UBFD1: variants seen among roughly 807,000 people sequenced by gnomAD.
The protein encoded by UBFD1 is ubiquitin family domain containing 1.
A neutral mutation model predicts 35.1 loss-of-function variants in UBFD1; 12 were observed. That is an observed-to-expected ratio of 0.34 (90% CI 0.22 to 0.55). UBFD1 has a LOEUF of 0.55. UBFD1 is among the 20% of genes least tolerant of loss of function. UBFD1 has a pLI of 0.89. For missense variants in UBFD1, 337 were observed against 410.8 expected (o/e 0.82, Z 1.55); for synonymous variants, 178 against 167.6 (o/e 1.06, Z -0.48).
intron 5 of UBFD1, chr16:23,565,569 A>G: frequency 6.6e-6 from 1 of 152,198 alleles, no homozygotes; most frequent in East Asian, 1.9e-4. Context: ...GCTGCTGCCC[A>G]GGTCCTGCTT....
In UBFD1 at chr16:23,572,470, C is replaced by G. The variant is rs974115091; in HGVS notation, c.*1880C>G. On this transcript the variant is annotated 3_prime_UTR_variant, in exon 7 of 7. Transcript: ENST00000395878. ...GTCAGACATTGCCCCTTTTGTTTGC[C>G]AATGCCCCAGTCCTAGAGACTTGTC... 2.0e-5 allele frequency: 3 copies of G among 152,642 alleles called. No individual in the cohort carries two copies. The highest frequency in any genetic ancestry group is 7.2e-5 in the African/African-American group (3 of 41,438). The allele number at this position is 152,642 out of a possible 1,614,324, so 9.5% of individuals were successfully genotyped here. A position where few individuals can be genotyped will look rare whatever the true frequency, so the allele number is the denominator to read the frequency against.
rs1966071010 is a variant in UBFD1, at chr16:23,570,665, G to A, written c.*75G>A. The A allele has an allele frequency of 2.5e-6, 3 of 1,205,960 alleles. No homozygotes were observed. Among genetic ancestry groups the A allele is most frequent in the African/African-American group, 1.5e-5 (1 of 66,002 alleles). The allele number at this position is 1,205,960 out of a possible 1,614,324, so 74.7% of individuals were successfully genotyped here. A position where few individuals can be genotyped will look rare whatever the true frequency, so the allele number is the denominator to read the frequency against. The stretch of plus-strand genomic sequence containing the variant: ...GCCGGGAGAGGCCTGCAGCATCCCT[G>A]GATTTCAGAGTTCTGGAACTTTGTT... On this transcript the variant is annotated 3_prime_UTR_variant, in exon 7 of 7. Transcript: ENST00000395878.
chr16:23,559,730 G>A (rs747829369), intron 3 of UBFD1, 54 bp downstream of exon 3: 3 of 1,609,346 alleles, frequency 1.9e-6, no homozygotes, highest in South Asian at 1.1e-5. Context: ...TTGTCCTCTT[G>A]AGCCGTGGCT....
chr16:23,563,006 A>C (rs1965959947), intron 5 of UBFD1, among the ~76,000 whole-genome samples: 1 of 152,238 alleles, frequency 6.6e-6, no homozygotes, highest in African/African-American at 2.4e-5. Context: ...CCAAGGGCCA[A>C]ATCTGGTCCA....
Position 23,558,245 on chromosome 16 carries a change from C to T in UBFD1, c.321C>T (p.Gly107=), listed in dbSNP as rs558925308. 1.6e-5 allele frequency: 26 copies of T among 1,608,710 alleles called. No individual in the cohort carries two copies. Among genetic ancestry groups the T allele is most frequent in the Non-Finnish European group, 2.1e-5 (25 of 1,177,722 alleles). ...HDVKFPLDST[G]SELKQKIHSI... Reference sequence around the variant, plus strand: ...TGAAGTTCCCCCTGGACAGCACAGGCTCCGAGCTGAAACAGAAGATCCACT... The same window carrying T: ...TGAAGTTCCCCCTGGACAGCACAGGTTCCGAGCTGAAACAGAAGATCCACT... Residue 107 remains glycine, a synonymous_variant, in exon 2 of 7, where the codon GGC becomes GGT. Transcript: ENST00000395878.
At chr16:23,559,956 G>C (rs559476822) in intron 3 of UBFD1, 3 of 1,316,834 alleles carry the variant, frequency 2.3e-6, no homozygotes, top group Non-Finnish European at 3.0e-6. Flanking sequence ...TCAGACGTGG[G>C]TTTCTCTCTC....
chr16:23,559,831 C>A, intron 3 of UBFD1, 155 bp downstream of exon 3: 1 of 1,540,052 alleles, frequency 6.5e-7, no homozygotes, highest in Non-Finnish European at 8.7e-7. Context: ...GTGGAGGTGA[C>A]AACTACCTGA....
chr16:23,558,798 T>G (rs1318559506), intron 2 of UBFD1, among the ~76,000 whole-genome samples: 2 of 144,750 alleles, frequency 1.4e-5, no homozygotes, highest in Non-Finnish European at 3.0e-5. Context: ...TTTTTTTTTT[T>G]GAGACGGAGT....
chr16:23,557,913 G>T, intron 1 of UBFD1, 37 bp from the exon 2 acceptor site: 1 of 1,289,380 alleles, frequency 7.8e-7, no homozygotes, highest in Middle Eastern at 2.2e-4. Context: ...CCCAAGCCCA[G>T]CCCGCGGCGA....
chr16:23,562,966 A>G (rs1288438756), intron 5 of UBFD1, among the ~76,000 whole-genome samples: 1 of 152,244 alleles, frequency 6.6e-6, no homozygotes, highest in Non-Finnish European at 1.5e-5. Flanking sequence ...CTTCAGTTGC[A>G]CACAGATTTG....
At chr16:23,562,849 C>T in intron 5 of UBFD1, 119 bp downstream of exon 5, 1 of 876,058 alleles carries the variant, frequency 1.1e-6, no homozygotes, top group Non-Finnish European at 1.8e-6. Flanking sequence ...CTGTGCTTTG[C>T]TTGCTTCTGG....
At chr16:23,566,759 T>C (rs1966017037) in intron 5 of UBFD1, 3 of 488,434 alleles carry the variant, frequency 6.1e-6, no homozygotes, top group African/African-American at 5.8e-5. Flanking sequence ...TACTATACCA[T>C]TGCCAAACCC....
chr16:23,562,112 A>T, intron 3 of UBFD1, 94 bp from the exon 4 acceptor site: 1 of 1,204,468 alleles, frequency 8.3e-7, no homozygotes, highest in Non-Finnish European at 1.2e-6. Flanking sequence ...TTGAGCCAAA[A>T]CACTAAGGCT....
intron 6 of UBFD1, among the ~76,000 whole-genome samples, chr16:23,568,157 CTTTTTTTTTT>C (rs34119136): frequency 8.7e-6 from 1 of 114,646 alleles, no homozygotes; most frequent in African/African-American, 3.4e-5. Context: ...TCTCTGTAGT[CTTTTTTTTTT>C]TTTTTTTTTT....
rs1966080778 is a variant in UBFD1, at chr16:23,571,264, C to T, written c.*674C>T. On this transcript the variant is annotated 3_prime_UTR_variant, in exon 7 of 7. Coordinates refer to ENST00000395878, the MANE Select transcript of UBFD1 (RefSeq NM_019116.3). ...GCCGTGCTGCTGCTGCCTGTGAACG[C>T]ACGGTGGGAGAGGAAGAGCTGCTCA... is the stretch of plus-strand genomic sequence containing the variant. The T allele has an allele frequency of 6.5e-6, 1 of 152,698 alleles. No homozygotes were observed. 9.5% of individuals were successfully genotyped at this position (152,698 alleles called of 1,614,324 possible).
At chr16:23,567,120 C>T in intron 6 of UBFD1, 51 bp downstream of exon 6, 1 of 1,550,870 alleles carries the variant, frequency 6.4e-7, no homozygotes, top group Non-Finnish European at 8.9e-7. Context: ...CCCACTTCAC[C>T]TGGCAGGGAA....
chr16:23,560,395 G>T (rs183435696), intron 3 of UBFD1, among the ~76,000 whole-genome samples: 195 of 152,304 alleles, frequency 1.3e-3, no homozygotes, highest in Non-Finnish European at 2.5e-3. Context: ...ACTGATTGCT[G>T]TGTAGCCTCC....
At chr16:23,562,769 C>T in intron 5 of UBFD1, 39 bp downstream of exon 5, 1 of 1,540,228 alleles carries the variant, frequency 6.5e-7, no homozygotes, top group Non-Finnish European at 9.0e-7. Context: ...CCACTGCCTG[C>T]CTCTGGCACC....
chr16:23,558,414 A>G (rs1291047903), intron 2 of UBFD1, 135 bp downstream of exon 2: 1 of 1,136,148 alleles, frequency 8.8e-7, no homozygotes, highest in Admixed American at 3.5e-5. Flanking sequence ...GGATACTTGG[A>G]TGCCCATTAC....
Sources: allele counts gnomAD v4.1 joint callset (sites outside exome capture counted in the v4.1 genomes callset), GRCh38; gene constraint gnomAD v4.1.1; transcripts MANE v1.5; gene names NCBI Gene and HGNC (gene_info 2026-07-23, HGNC 2026-07-21).